CFI: variants seen among roughly 807,000 people sequenced by gnomAD.
CFI encodes complement factor I, also known as C3B/C4B inactivator.
In CFI, 66 loss-of-function variants were observed where a neutral mutation model predicts 78.8. That is an observed-to-expected ratio of 0.84 (90% CI 0.69 to 1.03). CFI has a LOEUF of 1.03. Among genes scored for constraint, CFI ranks in the 50% least tolerant of loss-of-function variants. The pLI, the probability that CFI is intolerant of heterozygous loss-of-function variation, is 0.00. For missense variants in CFI, 706 were observed against 704.5 expected, an observed-to-expected ratio of 1.00 and a Z score of -0.02; for synonymous variants, 250 against 232.6, an observed-to-expected ratio of 1.07 and a Z score of -0.68.
chr4:109,745,631 C>T (rs1214256595), intron 11 of CFI, among the ~76,000 whole-genome samples: 1 of 152,100 alleles, frequency 6.6e-6, no homozygotes, highest in African/African-American at 2.4e-5. Flanking sequence ...AAATGAATTC[C>T]TTATGTTCTT....
At chr4:109,765,890 G>A (rs569866230) in intron 2 of CFI, among the ~76,000 whole-genome samples, 85 of 152,206 alleles carry the variant, frequency 5.6e-4, no homozygotes, top group African/African-American at 1.8e-3. Flanking sequence ...AGGCCGAGGC[G>A]GGCGGATCAC....
chr4:109,750,412 T>A (rs1725005677), intron 8 of CFI, among the ~76,000 whole-genome samples: 1 of 152,198 alleles, frequency 6.6e-6, no homozygotes, highest in Admixed American at 6.5e-5. Flanking sequence ...TGAGTCTTTG[T>A]ATATAGTTTA....
At chr4:109,786,974 CT>C (rs1257694194) in intron 1 of CFI, among the ~76,000 whole-genome samples, 3 of 152,010 alleles carry the variant, frequency 2.0e-5, no homozygotes, top group Non-Finnish European at 4.4e-5. Flanking sequence ...ACTTGTGCAA[CT>C]GGGTTTGTCC....
downstream of CFI, among the ~76,000 whole-genome samples, chr4:109,739,453 C>G (rs1314456811): frequency 1.3e-5 from 2 of 152,004 alleles, no homozygotes; most frequent in African/African-American, 4.8e-5. Context: ...ACAGAATACA[C>G]TGGGGGAAGA....
chr4:109,738,112 CTTTTTT>C (rs141891533), downstream of CFI, among the ~76,000 whole-genome samples: 1 of 130,260 alleles, frequency 7.7e-6, no homozygotes. Context: ...GAGTACTTTT[CTTTTTT>C]TTTTTTTTTT....
chr4:109,772,533 C>A (rs1459245828), intron 1 of CFI, among the ~76,000 whole-genome samples: 1 of 151,258 alleles, frequency 6.6e-6, no homozygotes. Flanking sequence ...ATAACAACTA[C>A]TATTATGTGT....
At chr4:109,783,968 T>C (rs909760841) in intron 1 of CFI, among the ~76,000 whole-genome samples, 2 of 151,378 alleles carry the variant, frequency 1.3e-5, no homozygotes, top group Non-Finnish European at 1.5e-5. Context: ...CTCACTGATA[T>C]GTGGAAGCTA....
chr4:109,746,566 C>G, intron 10 of CFI, 64 bp from the exon 11 acceptor site: 1 of 1,311,438 alleles, frequency 7.6e-7, no homozygotes, highest in African/African-American at 1.5e-5. Context: ...AATTCTGACA[C>G]TTCACTTTTA....
chr4:109,761,538 C>A lies in CFI; in HGVS notation c.637G>T (p.Val213Phe), dbSNP rs755271051. Residue 213 changes from valine to phenylalanine, a missense_variant, in exon 4 of 13, where the codon GTT becomes TTT. Transcript: ENST00000394634. ...TMGYQDFADV[V>F]CYTQKADSPM... ...CAACCTGCTTTCTGTGTATAACAAA[C>A]CACATCAGCGAAATCCTGGTAACCC... The A allele has an allele frequency of 1.9e-6, 3 of 1,614,134 alleles. No individual in the cohort carries two copies. Among genetic ancestry groups the A allele is most frequent in the Non-Finnish European group, 2.5e-6 (3 of 1,180,008 alleles).
downstream of CFI, among the ~76,000 whole-genome samples, chr4:109,737,700 C>G (rs13117504): frequency 0.37 from 56,345 of 152,128 alleles, 11,774 homozygotes; most frequent in East Asian, 0.6. Flanking sequence ...ATGGAGCAGT[C>G]CTGCAGTGTG....
chr4:109,792,728 T>C (rs540782347), intron 1 of CFI, among the ~76,000 whole-genome samples: 83 of 152,310 alleles, frequency 5.4e-4, no homozygotes, highest in African/African-American at 1.8e-3. Flanking sequence ...TAATATATCA[T>C]GTAATTTATC....
intron 7 of CFI, among the ~76,000 whole-genome samples, chr4:109,756,044 T>C (rs1385449488): frequency 2.0e-5 from 3 of 152,190 alleles, no homozygotes; most frequent in Non-Finnish European, 4.4e-5. Context: ...CACAATACTA[T>C]GTGAGTAAAA....
chr4:109,744,988 T>C (rs944782806), intron 11 of CFI, among the ~76,000 whole-genome samples: 20 of 152,184 alleles, frequency 1.3e-4, no homozygotes, highest in Admixed American at 4.6e-4. Context: ...GTTTTAGGTA[T>C]TCAGACATAC....
intron 1 of CFI, among the ~76,000 whole-genome samples, chr4:109,791,661 C>A (rs1042663154): frequency 1.3e-5 from 2 of 152,156 alleles, no homozygotes; most frequent in Admixed American, 1.3e-4. Flanking sequence ...CTGCAATTGG[C>A]TAGCCAGTTA....
intron 1 of CFI, among the ~76,000 whole-genome samples, chr4:109,770,124 T>A (rs1321332052): frequency 7.9e-5 from 12 of 152,158 alleles, no homozygotes; most frequent in African/African-American, 1.9e-4. Context: ...ACTGTACTCC[T>A]GCACCAAGCC....
chr4:109,743,673 A>C (rs1157065239), intron 11 of CFI, among the ~76,000 whole-genome samples: 1 of 152,208 alleles, frequency 6.6e-6, no homozygotes, highest in Admixed American at 6.5e-5. Flanking sequence ...ATATCTAACT[A>C]TCAGTTTATA....
chr4:109,770,821 C>G (rs1364876286), intron 1 of CFI, among the ~76,000 whole-genome samples: 1 of 152,008 alleles, frequency 6.6e-6, no homozygotes, highest in Non-Finnish European at 1.5e-5. Context: ...TTTAGCAGAT[C>G]AAGGAGAACT....
intron 1 of CFI, among the ~76,000 whole-genome samples, chr4:109,784,783 C>T (rs1321525707): frequency 6.6e-6 from 1 of 152,106 alleles, no homozygotes; most frequent in Non-Finnish European, 1.5e-5. Flanking sequence ...TATGTATTTA[C>T]TGTGCATGTT....
At chr4:109,752,607 T>G in intron 7 of CFI, 104 bp from the exon 8 acceptor site, 1 of 939,908 alleles carries the variant, frequency 1.1e-6, no homozygotes, top group South Asian at 1.4e-5. Context: ...GCCTTAAAAC[T>G]TATCCTCCCT....
Sources: gnomAD v4.1 joint callset for allele counts (sites outside exome capture counted in the v4.1 genomes callset) on GRCh38, gnomAD v4.1.1 for gene constraint, MANE v1.5 for transcripts, NCBI Gene and HGNC (gene_info 2026-07-23, HGNC 2026-07-21) for gene names.